Variants in HDHD5 observed in about 807,000 individuals in gnomAD.
HDHD5 encodes haloacid dehalogenase like hydrolase domain containing 5, also known as haloacid dehalogenase-like hydrolase domain-containing 5.
In HDHD5, 34 loss-of-function variants were observed where a neutral mutation model predicts 35.5. That is an observed-to-expected ratio of 0.96 (90% CI 0.73 to 1.28). The LOEUF (loss-of-function observed/expected upper bound fraction) is 1.28, where lower values mean the gene tolerates loss of function less well. Ranked by LOEUF, HDHD5 falls within the 50% of genes most tolerant of loss-of-function variation. HDHD5 has a pLI of 0.00. For missense variants in HDHD5, 589 were observed against 560.2 expected, an observed-to-expected ratio of 1.05 and a Z score of -0.52; for synonymous variants, 248 against 240.6, an observed-to-expected ratio of 1.03 and a Z score of -0.29.
chr22:17,146,191 T>A (rs920968484), intron 3 of HDHD5, among the ~76,000 whole-genome samples: 1 of 151,758 alleles, frequency 6.6e-6, no homozygotes, highest in African/African-American at 2.4e-5. Flanking sequence ...ACCTCCTACT[T>A]CCCCTGCTTA....
intron 6 of HDHD5, among the ~76,000 whole-genome samples, chr22:17,139,285 T>A (rs1278466337): frequency 1.3e-5 from 2 of 152,152 alleles, no homozygotes; most frequent in Non-Finnish European, 2.9e-5. Flanking sequence ...CTTAGCACTT[T>A]GGGAGGCCAA....
Position 17,138,167 on chromosome 22 carries a change from G to A in HDHD5, c.1126C>T (p.Pro376Ser), listed in dbSNP as rs2061555030. 6.2e-7 allele frequency: 1 copy of A among 1,614,070 alleles called. No individual in the cohort carries two copies. The highest frequency in any genetic ancestry group is 8.5e-7 in the Non-Finnish European group (1 of 1,180,042). Reference sequence around the variant, plus strand: ...GGAGGCTCCCCTCCTCCAAGGACAGGCTCCGTGGACTGTGGGTTCCTGGGA... The same window carrying A: ...GGAGGCTCCCCTCCTCCAAGGACAGACTCCGTGGACTGTGGGTTCCTGGGA... ...YNPRNPQSTE[P>S]VLGGGEPPFH... The change falls in exon 8 of 8, where the codon CCT becomes TCT. Residue 376 changes from proline (P) to serine (S), a missense_variant. Coordinates refer to ENST00000336737, the MANE Select transcript of HDHD5 (RefSeq NM_033070.3).
intron 1 of HDHD5, among the ~76,000 whole-genome samples, chr22:17,151,851 C>T (rs2061730089): frequency 6.6e-6 from 1 of 152,062 alleles, no homozygotes; most frequent in Non-Finnish European, 1.5e-5. Context: ...AAAGCAAACT[C>T]TAAAACAGCA....
upstream of HDHD5, among the ~76,000 whole-genome samples, chr22:17,161,721 A>G (rs1169259134): frequency 6.6e-6 from 1 of 151,844 alleles, no homozygotes; most frequent in Admixed American, 6.6e-5. Flanking sequence ...TATATATAAA[A>G]AAAAAATTAG....
chr22:17,163,199 A>G (rs1321395259), upstream of HDHD5, among the ~76,000 whole-genome samples: 4 of 152,190 alleles, frequency 2.6e-5, no homozygotes, highest in Non-Finnish European at 4.4e-5. Context: ...GGGGTTTGTT[A>G]AATCAGCTTT....
upstream of HDHD5, among the ~76,000 whole-genome samples, chr22:17,163,067 A>C (rs895399325): frequency 1.3e-5 from 2 of 152,222 alleles, no homozygotes; most frequent in African/African-American, 2.4e-5. Flanking sequence ...AGACTTCCCA[A>C]ATCTTTATAT....
chr22:17,148,474 C>G lies in HDHD5; in HGVS notation c.417G>C (p.Gln139His). 6.2e-7 allele frequency: 1 copy of G among 1,614,162 alleles called. No homozygotes were observed. Among genetic ancestry groups the G allele is most frequent in the African/African-American group, 1.3e-5 (1 of 75,068 alleles). The change falls in exon 3 of 8, where the codon CAG (glutamine) becomes CAC (histidine). Residue 139 changes from glutamine (Q) to histidine (H), a missense_variant. By Grantham distance (24) the Gln-to-His change is conservative. Transcript: ENST00000336737. ...CCTGGGCATTTTCCATCACGGGCCC[C>G]TGTCCAGACACCAGCATCCGCTTCT... is the stretch of plus-strand genomic sequence containing the variant. ...YHEKRMLVSG[Q>H]GPVMENAQGL... is the part of the protein sequence containing the mutation.
rs764042159 is a variant in HDHD5, at chr22:17,141,237, T to C, written c.572-4A>G. 4.4e-6 allele frequency: 7 copies of C among 1,588,256 alleles called. No individual in the cohort carries two copies. The highest frequency in any genetic ancestry group is 6.0e-6 in the Non-Finnish European group (7 of 1,169,506). The stretch of plus-strand genomic sequence containing the variant: ...GGCTCCCCTAGGAGGAGCACCCCTT[T>C]AAAGAACAGAGGCGCAGGTGAGGGC... On this transcript the variant is annotated splice_region_variant and splice_polypyrimidine_tract_variant and intron_variant, in intron 5 of 7. Coordinates refer to ENST00000336737, the MANE Select transcript of HDHD5 (RefSeq NM_033070.3).
chr22:17,148,607 T>C (rs1305733186), intron 2 of HDHD5, 47 bp from the exon 3 acceptor site: 1 of 1,405,204 alleles, frequency 7.1e-7, no homozygotes, highest in East Asian at 2.3e-5. Context: ...GACAGAACTG[T>C]TGAGGGAAAT....
upstream of HDHD5, among the ~76,000 whole-genome samples, chr22:17,164,163 G>A (rs961994407): frequency 1.3e-5 from 2 of 151,194 alleles, no homozygotes; most frequent in Non-Finnish European, 2.9e-5. Flanking sequence ...GGAGGTTGCA[G>A]TGAGCTGAGA....
At chr22:17,155,470 C>T (rs567350503) in intron 1 of HDHD5, among the ~76,000 whole-genome samples, 41 of 152,148 alleles carry the variant, frequency 2.7e-4, no homozygotes, top group Non-Finnish European at 2.9e-4. Context: ...TGGTCTCAAA[C>T]TCCTGACCTC....
chr22:17,165,272 C>T (rs1202828523), exon 1 of HDHD5: 1 of 769,304 alleles, frequency 1.3e-6, no homozygotes, highest in Non-Finnish European at 2.4e-6. Flanking sequence ...TCTTTAGGAG[C>T]CAGCTGGTCC....
In HDHD5 at chr22:17,157,113, C is replaced by A. The variant is rs74510507; in HGVS notation, c.126+2013G>T. Among the ~76,000 whole-genome samples, 41 of 145,100 alleles carry A rather than the reference C, an allele frequency of 2.8e-4. No homozygotes were observed. In the South Asian group the frequency reaches 4.4e-3, roughly 16 times the overall value. ...ACACACACACACACACACACACACACAAAAGAAAAAAGCTATGGAACAATG... is the reference window on the plus strand; with the variant it reads ...ACACACACACACACACACACACACAAAAAAGAAAAAAGCTATGGAACAATG... On this transcript the variant is annotated intron_variant, in intron 1 of 7. Transcript: ENST00000336737.
Position 17,159,257 on chromosome 22 carries a change from C to A in HDHD5, c.-6G>T. ...ACACAGCCCCACGCAGCCATCCGGC[C>A]GTCGCCGTGCGCACGTGCACGGCGT... On this transcript the variant is annotated 5_prime_UTR_variant, in exon 1 of 8. Coordinates refer to ENST00000336737, the MANE Select transcript of HDHD5 (RefSeq NM_033070.3). 7.9e-7 allele frequency: 1 copy of A among 1,266,192 alleles called. No homozygotes were observed. Among genetic ancestry groups the A allele is most frequent in the South Asian group, 1.9e-5 (1 of 51,358 alleles). 78.4% of individuals were successfully genotyped at this position (1,266,192 alleles called of 1,614,324 possible).
intron 4 of HDHD5, among the ~76,000 whole-genome samples, chr22:17,144,147 G>A (rs2061630590): frequency 6.6e-6 from 1 of 152,260 alleles, no homozygotes; most frequent in Non-Finnish European, 1.5e-5. Flanking sequence ...CAGCCAGTAA[G>A]TCTGGAACTC....
At position 17,138,454 on chromosome 22, in the gene HDHD5, G is replaced by A. The variant is rs2061560474; in HGVS notation, c.935+96C>T. The A allele has an allele frequency of 5.8e-6, 9 of 1,538,838 alleles. No homozygotes were observed. The Admixed American group carries it at 7.4e-5, about 13-fold the overall frequency. ...AGCAGAGAAGAGTTTCGGGGCAGAA[G>A]AGTGAATTAGATATAGGGAAATGGG... On this transcript the variant is annotated intron_variant, in intron 7 of 7. Coordinates refer to ENST00000336737, the MANE Select transcript of HDHD5 (RefSeq NM_033070.3).
intron 1 of HDHD5, 145 bp from the exon 2 acceptor site, chr22:17,149,890 T>C (rs1172199710): frequency 3.2e-6 from 2 of 625,988 alleles, no homozygotes; most frequent in East Asian, 2.8e-5. Context: ...GGGATTCTGA[T>C]AGGGCAATCT....
At chr22:17,140,641 G>C (rs1601377867) in intron 6 of HDHD5, among the ~76,000 whole-genome samples, 1 of 152,150 alleles carries the variant, frequency 6.6e-6, no homozygotes, top group East Asian at 1.9e-4. Context: ...CCTGCCTTAT[G>C]TCTGAAGGGT....
intron 1 of HDHD5, among the ~76,000 whole-genome samples, chr22:17,155,703 C>G (rs2061782043): frequency 6.6e-6 from 1 of 152,146 alleles, no homozygotes; most frequent in Admixed American, 6.5e-5. Flanking sequence ...CACCCAGTAC[C>G]ATAAAAAGTG....
Sources: gnomAD v4.1 joint callset for allele counts (sites outside exome capture counted in the v4.1 genomes callset) on GRCh38, gnomAD v4.1.1 for gene constraint, MANE v1.5 for transcripts, NCBI Gene and HGNC (gene_info 2026-07-23, HGNC 2026-07-21) for gene names.